Variants in BTBD3 observed in about 807,000 individuals in gnomAD.
The protein encoded by BTBD3 is BTB/POZ domain-containing protein 3.
Under a neutral mutation model 41.6 loss-of-function variants are expected in BTBD3, and 14 were observed. That is an observed-to-expected ratio of 0.34 (90% CI 0.22 to 0.53). The LOEUF (loss-of-function observed/expected upper bound fraction) is 0.53, where lower values mean the gene tolerates loss of function less well. Among genes scored for constraint, BTBD3 ranks in the 20% least tolerant of loss-of-function variants. The pLI is 0.95. For synonymous variants in BTBD3, 249 were observed against 233.7 expected, an observed-to-expected ratio of 1.07 and a Z score of -0.60; for missense variants, 426 against 654.7, an observed-to-expected ratio of 0.65 and a Z score of 3.81.
chr20:11,923,582 T>C lies in BTBD3; in HGVS notation c.1485T>C (p.Thr495=), dbSNP rs1220457306. The C allele has an allele frequency of 1.2e-6, 2 of 1,614,060 alleles. No homozygotes were observed. The highest frequency in any genetic ancestry group is 8.5e-7 in the Non-Finnish European group (1 of 1,180,050). ...GMTEVQCGKV[T]VQFQCSSDST... is the part of the protein sequence containing the mutation. ...CAGAAGTTCAGTGTGGCAAAGTGAC[T>C]GTCCAGTTTCAGTGCTCCTCAGATA... Residue 495 remains threonine, a synonymous_variant, in exon 4 of 4, where the codon ACT becomes ACC. Coordinates refer to ENST00000378226, the MANE Select transcript of BTBD3 (RefSeq NM_014962.4). The surrounding 1 kb of genome is among the most constrained non-coding windows in gnomAD (Gnocchi z 5.3).
At chr20:11,913,363 CT>C (rs2056900579), upstream of BTBD3, 2 of 152,100 alleles carry the variant, frequency 1.3e-5, no homozygotes, top group African/African-American at 4.8e-5. Flanking sequence ...CAGTTCCTTC[CT>C]TCCATCTCAT....
chr20:11,921,432 C>A (rs1029284387), intron 3 of BTBD3: 2 of 152,226 alleles, frequency 1.3e-5, no homozygotes, highest in African/African-American at 4.8e-5. Flanking sequence ...TGGCCTGCTT[C>A]ATCGAGTATG....
In BTBD3 at chr20:11,926,467, A is replaced by G. The variant is rs1169082982; in HGVS notation, c.*2801A>G. ...GCTTACAGCATTATTTATGAAGGAAAAAATACATAAATATGAAGTACCTCA... is the reference window on the plus strand; with the variant it reads ...GCTTACAGCATTATTTATGAAGGAAGAAATACATAAATATGAAGTACCTCA... On this transcript the variant is annotated 3_prime_UTR_variant, in exon 4 of 4. Coordinates refer to ENST00000378226, the MANE Select transcript of BTBD3 (RefSeq NM_014962.4). 1 of 152,678 alleles carries G rather than the reference A, an allele frequency of 6.5e-6. No homozygotes were observed. The highest frequency in any genetic ancestry group is 1.5e-5 in the Non-Finnish European group (1 of 68,052). The allele number at this position is 152,678 out of a possible 1,614,324, so 9.5% of individuals were successfully genotyped here.
intron 1 of BTBD3, chr20:11,918,814 G>C: frequency 1.7e-6 from 1 of 596,498 alleles, no homozygotes; most frequent in Non-Finnish European, 2.8e-6. Flanking sequence ...ACATTCAAGT[G>C]ACAGGGTTGT....
At chr20:11,891,984 A>T (rs1232839631) in intron 1 of BTBD3, among the ~76,000 whole-genome samples, 1 of 152,170 alleles carries the variant, frequency 6.6e-6, no homozygotes, top group Non-Finnish European at 1.5e-5. Context: ...TTTTTTAAAG[A>T]TCCCCAGGTG....
chr20:11,924,258 A>C lies in BTBD3; in HGVS notation c.*592A>C, dbSNP rs2056998964. ...ATAGTTAGGTATTAAACACTTCAGA[A>C]TATCAATGTAAAATTGGAAAATAAG... On this transcript the variant is annotated 3_prime_UTR_variant, in exon 4 of 4. Coordinates refer to ENST00000378226, the MANE Select transcript of BTBD3 (RefSeq NM_014962.4). 1.3e-5 allele frequency: 2 copies of C among 152,236 alleles called. No homozygotes were observed. Among genetic ancestry groups the C allele is most frequent in the Non-Finnish European group, 2.9e-5 (2 of 68,058 alleles). The allele number at this position is 152,236 out of a possible 1,614,324, so 9.4% of individuals were successfully genotyped here.
chr20:11,898,362 C>T (rs772419296), intron 1 of BTBD3, among the ~76,000 whole-genome samples: 2 of 145,828 alleles, frequency 1.4e-5, no homozygotes, highest in African/African-American at 5.6e-5. Context: ...ATTTATCCTA[C>T]CCCCCCAGCC....
chr20:11,916,557 A>G (rs1600242726), upstream of BTBD3, among the ~76,000 whole-genome samples: 2 of 152,216 alleles, frequency 1.3e-5, no homozygotes, highest in East Asian at 3.8e-4. Flanking sequence ...TAAGAATAAT[A>G]ATAACAACAA....
At chr20:11,897,582 CT>C (rs2056795412) in intron 1 of BTBD3, among the ~76,000 whole-genome samples, 1 of 147,888 alleles carries the variant, frequency 6.8e-6, no homozygotes, top group Non-Finnish European at 1.5e-5. Flanking sequence ...TCCTGCTGTT[CT>C]GTCTTCAAAA....
In BTBD3 at chr20:11,923,227, G is replaced by A. The variant is rs1269621176; in HGVS notation, c.1130G>A (p.Arg377His). Residue 377 changes from arginine (R) to histidine (H), a missense_variant, in exon 4 of 4, where the codon CGT becomes CAT. This residue lies in a region of BTBD3 where 321 missense variants were observed against 534.8 expected (regional missense o/e 0.60). Transcript: ENST00000378226. This position sits in a 1 kb window ranked among gnomAD's most constrained non-coding sequence, Gnocchi z 5.3. ...GGCCTTGTCCCCCAGCGCTGTCACC[G>A]TTTCCAGTCGTGTGCCTATCGAAGC... Reference protein sequence around the residue: ...RKGLVPQRCHRFQSCAYRSNQ... With the variant: ...RKGLVPQRCHHFQSCAYRSNQ... 2 of 1,614,210 alleles carry A rather than the reference G, an allele frequency of 1.2e-6. No homozygotes were observed. Among genetic ancestry groups the A allele is most frequent in the Non-Finnish European group, 1.7e-6 (2 of 1,180,038 alleles).
At chr20:11,910,594 A>G (rs2056883545) in intron 1 of BTBD3, 1 of 152,190 alleles carries the variant, frequency 6.6e-6, no homozygotes, top group Non-Finnish European at 1.5e-5. Context: ...TATGGATTCT[A>G]TTTGTTTGAA....
intron 3 of BTBD3, 150 bp from the exon 4 acceptor site, chr20:11,922,484 T>C (rs2056978763): frequency 1.6e-6 from 1 of 611,736 alleles, no homozygotes; most frequent in Non-Finnish European, 2.8e-6. Context: ...ATTAATATGT[T>C]TCGAATGTTC....
rs981786518 is a variant in BTBD3 at position 11,925,706 on chromosome 20, A to G, written c.*2040A>G. 3 of 152,620 alleles carry G rather than the reference A, an allele frequency of 2.0e-5. No individual in the cohort carries two copies. The highest frequency in any genetic ancestry group is 4.4e-5 in the Non-Finnish European group (3 of 68,044). 9.5% of individuals were successfully genotyped at this position (152,620 alleles called of 1,614,324 possible). ...TGCTGTGCAAATTGGTAGACCTTAT[A>G]AGAAGGCACTTGTTTGTAAGCCAGA... On this transcript the variant is annotated 3_prime_UTR_variant, in exon 4 of 4. Coordinates refer to ENST00000378226, the MANE Select transcript of BTBD3 (RefSeq NM_014962.4).
intron 1 of BTBD3, among the ~76,000 whole-genome samples, chr20:11,895,355 T>C (rs1166872856): frequency 6.6e-6 from 1 of 152,216 alleles, no homozygotes; most frequent in African/African-American, 2.4e-5. Flanking sequence ...ATGCACAGTT[T>C]TAAAAGTCTA....
At chr20:11,913,914 C>G (rs1004599144), upstream of BTBD3, among the ~76,000 whole-genome samples, 1 of 152,164 alleles carries the variant, frequency 6.6e-6, no homozygotes. Context: ...ATTATAAAAT[C>G]AACTGAAACA....
At chr20:11,902,196 T>C (rs1421030702) in intron 1 of BTBD3, among the ~76,000 whole-genome samples, 2 of 152,218 alleles carry the variant, frequency 1.3e-5, no homozygotes, top group Non-Finnish European at 2.9e-5. Context: ...TATTATATAC[T>C]ACATTCTTAC....
chr20:11,906,141 A>G (rs930719772), intron 1 of BTBD3, among the ~76,000 whole-genome samples: 1 of 151,070 alleles, frequency 6.6e-6, no homozygotes, highest in African/African-American at 2.4e-5. Flanking sequence ...TTTTAAAATC[A>G]TTGCTGGTGG....
At chr20:11,918,669 C>G (rs1600244619) in intron 1 of BTBD3, 68 bp downstream of exon 1, 2 of 1,448,712 alleles carry the variant, frequency 1.4e-6, no homozygotes, top group East Asian at 2.3e-5. Context: ...TTTGCAAAAC[C>G]TGTAATGTAT....
At chr20:11,918,696 T>G in intron 1 of BTBD3, 95 bp downstream of exon 1, 1 of 1,317,642 alleles carries the variant, frequency 7.6e-7, no homozygotes, top group South Asian at 1.6e-5. Flanking sequence ...ACAAATCTGT[T>G]TCCTCTTTTC....
Sources: allele counts gnomAD v4.1 joint callset (sites outside exome capture counted in the v4.1 genomes callset), GRCh38; gene constraint gnomAD v4.1.1; regional missense constraint gnomAD v4.1.1; non-coding constraint Gnocchi (gnomAD v3.1); transcripts MANE v1.5; gene names NCBI Gene and HGNC (gene_info 2026-07-23, HGNC 2026-07-21).